Variants in HS6ST3 observed in about 807,000 individuals in gnomAD.
HS6ST3 encodes heparan sulfate 6-O-sulfotransferase 3.
A neutral mutation model predicts 36.7 loss-of-function variants in HS6ST3; 12 were observed. The observed-to-expected ratio is 0.33, with a 90% confidence interval of 0.21 to 0.53. The LOEUF (loss-of-function observed/expected upper bound fraction) is 0.53, where lower values mean the gene tolerates loss of function less well. Ranked by LOEUF, HS6ST3 falls within the 20% of genes least tolerant of loss-of-function variation. HS6ST3 has a pLI of 0.95. For synonymous variants in HS6ST3, 240 were observed against 257.5 expected (o/e 0.93, Z 0.65); for missense variants, 584 against 640.9 (o/e 0.91, Z 0.96).
chr13:96,673,174 A>C (rs2056687992), intron 1 of HS6ST3, among the ~76,000 whole-genome samples: 1 of 151,920 alleles, frequency 6.6e-6, no homozygotes, highest in Non-Finnish European at 1.5e-5. Flanking sequence ...CCTTCACATC[A>C]CTTTCTCCTC....
chr13:96,158,517 G>A lies in HS6ST3; in HGVS notation c.707+66948G>A, dbSNP rs7339010. Among the ~76,000 whole-genome samples, 1,281 of 152,008 alleles carry A rather than the reference G, an allele frequency of 8.4e-3. 13 individuals carry two copies. Among genetic ancestry groups the A allele is most frequent in the African/African-American group, 0.03 (1,233 of 41,460 alleles). On this transcript the variant is annotated intron_variant, in intron 1 of 1. Transcript: ENST00000376705. ...ATACAAAAAAAATTAGCCGGGCATG[G>A]TGGTACATGCCTGTAGTCCCAGCTA...
At chr13:96,614,324 AAAAAC>A (rs1438451900) in intron 1 of HS6ST3, among the ~76,000 whole-genome samples, 15 of 123,752 alleles carry the variant, frequency 1.2e-4, no homozygotes, top group African/African-American at 4.6e-4. Flanking sequence ...AAAAAAAAAA[AAAAAC>A]AGTTATTACC....
chr13:96,567,351 G>C (rs896398727), intron 1 of HS6ST3, among the ~76,000 whole-genome samples: 1 of 152,094 alleles, frequency 6.6e-6, no homozygotes, highest in African/African-American at 2.4e-5. Context: ...TACCAGAGAG[G>C]GGGTGGTAGA....
At chr13:96,156,793 T>C (rs1173641379) in intron 1 of HS6ST3, among the ~76,000 whole-genome samples, 1 of 152,196 alleles carries the variant, frequency 6.6e-6, no homozygotes, top group African/African-American at 2.4e-5. Flanking sequence ...TGGCCATTCA[T>C]AGCTCATTCA....
chr13:96,787,927 A>G (rs1005149732), intron 1 of HS6ST3, among the ~76,000 whole-genome samples: 4 of 152,026 alleles, frequency 2.6e-5, no homozygotes. Context: ...GTTAATTTTT[A>G]TATAAGGAGT....
intron 1 of HS6ST3, among the ~76,000 whole-genome samples, chr13:96,333,725 TA>T (rs1199340178): frequency 5.9e-5 from 9 of 152,156 alleles, no homozygotes; most frequent in African/African-American, 2.2e-4. Context: ...AAGATTTAAA[TA>T]TTTTTTTGAT....
intron 1 of HS6ST3, among the ~76,000 whole-genome samples, chr13:96,598,911 T>C (rs2056411739): frequency 6.6e-6 from 1 of 152,176 alleles, no homozygotes; most frequent in Admixed American, 6.6e-5. Flanking sequence ...AATATTTTTC[T>C]TCCTCTATTG....
intron 1 of HS6ST3, among the ~76,000 whole-genome samples, chr13:96,669,018 T>C (rs962277090): frequency 2.6e-5 from 4 of 152,162 alleles, no homozygotes; most frequent in African/African-American, 7.2e-5. Flanking sequence ...CACATTTGCA[T>C]TGGTAATAGA....
At chr13:96,298,912 GA>G (rs890956415) in intron 1 of HS6ST3, among the ~76,000 whole-genome samples, 1 of 152,130 alleles carries the variant, frequency 6.6e-6, no homozygotes. Flanking sequence ...GGAGATAAAG[GA>G]AAAGCAATAT....
intron 1 of HS6ST3, among the ~76,000 whole-genome samples, chr13:96,674,798 G>A (rs1036379128): frequency 4.6e-5 from 7 of 152,152 alleles, no homozygotes; most frequent in Non-Finnish European, 8.8e-5. Flanking sequence ...CCTCCTATGC[G>A]TCATACACTT....
chr13:96,755,665 T>C lies in HS6ST3; in HGVS notation c.708-76825T>C, dbSNP rs533785086. On this transcript the variant is annotated intron_variant, in intron 1 of 1. Transcript: ENST00000376705. ...GGCCTGAGCCACCACACCCAGCTAA[T>C]AGTTCAGTTTTTTATGCTGCTGAGG... Among the ~76,000 whole-genome samples the C allele has an allele frequency of 2.6e-5, 4 of 152,308 alleles. No homozygotes were observed. In the South Asian group the frequency reaches 8.3e-4, roughly 32 times the overall value.
intron 1 of HS6ST3, among the ~76,000 whole-genome samples, chr13:96,371,543 A>T (rs527652366): frequency 6.6e-6 from 1 of 152,266 alleles, no homozygotes; most frequent in Non-Finnish European, 1.5e-5. Flanking sequence ...TATAGTCACT[A>T]TGCTGTACAT....
intron 1 of HS6ST3, among the ~76,000 whole-genome samples, chr13:96,758,076 T>C (rs1876877115): frequency 6.6e-6 from 1 of 152,064 alleles, no homozygotes; most frequent in Non-Finnish European, 1.5e-5. Context: ...AAGTTTTCTT[T>C]ATGGAGATGT....
chr13:96,799,105 T>C (rs1355236434), intron 1 of HS6ST3, among the ~76,000 whole-genome samples: 1 of 152,132 alleles, frequency 6.6e-6, no homozygotes, highest in Non-Finnish European at 1.5e-5. Context: ...TACTGGGTAT[T>C]AGGGCTTCGA....
At chr13:96,315,979 A>G (rs543782294) in intron 1 of HS6ST3, among the ~76,000 whole-genome samples, 1 of 152,242 alleles carries the variant, frequency 6.6e-6, no homozygotes, top group Admixed American at 6.5e-5. Flanking sequence ...TCTCCCCAGA[A>G]CTTCGGAATG....
intron 1 of HS6ST3, among the ~76,000 whole-genome samples, chr13:96,151,578 G>A (rs1435575535): frequency 6.6e-6 from 1 of 152,212 alleles, no homozygotes; most frequent in Non-Finnish European, 1.5e-5. Context: ...AAACATTACT[G>A]TAGTAATTTC....
chr13:96,817,465 T>C (rs1878445842), intron 1 of HS6ST3, among the ~76,000 whole-genome samples: 1 of 152,220 alleles, frequency 6.6e-6, no homozygotes, highest in Non-Finnish European at 1.5e-5. Flanking sequence ...CATTAATAGG[T>C]AATATTGATT....
intron 1 of HS6ST3, among the ~76,000 whole-genome samples, chr13:96,112,735 C>T (rs2053876562): frequency 7.0e-6 from 1 of 142,702 alleles, no homozygotes; most frequent in Non-Finnish European, 1.5e-5. Context: ...ACCACTGCAT[C>T]CAGCCTGGGG....
At chr13:96,114,486 G>A (rs1262515920) in intron 1 of HS6ST3, among the ~76,000 whole-genome samples, 1 of 152,146 alleles carries the variant, frequency 6.6e-6, no homozygotes, top group African/African-American at 2.4e-5. Flanking sequence ...GCAGCATGAA[G>A]TAGTGGTTAA....
Sources: gnomAD v4.1 joint callset for allele counts (sites outside exome capture counted in the v4.1 genomes callset) on GRCh38, gnomAD v4.1.1 for gene constraint, MANE v1.5 for transcripts, NCBI Gene and HGNC (gene_info 2026-07-23, HGNC 2026-07-21) for gene names.